NKIRAS1: variants seen among roughly 807,000 people sequenced by gnomAD.
NKIRAS1 encodes the protein NFKB inhibitor interacting Ras like 1.
In NKIRAS1, 16 loss-of-function variants were observed where a neutral mutation model predicts 19.8. That is an observed-to-expected ratio of 0.81 (90% CI 0.55 to 1.23). The LOEUF is 1.23. NKIRAS1 is among the 50% of genes most tolerant of loss of function. The pLI, the probability that NKIRAS1 is intolerant of heterozygous loss-of-function variation, is 0.00. For missense variants in NKIRAS1, 184 were observed against 220.0 expected, an observed-to-expected ratio of 0.84 and a Z score of 1.04; for synonymous variants, 88 against 79.0, an observed-to-expected ratio of 1.11 and a Z score of -0.61.
intron 1 of NKIRAS1, among the ~76,000 whole-genome samples, chr3:23,928,006 G>A (rs917755117): frequency 1.7e-4 from 26 of 151,982 alleles, no homozygotes; most frequent in African/African-American, 6.3e-4. Flanking sequence ...TTGAGCCTGG[G>A]AAGTCGAAGC....
chr3:23,935,138 G>A (rs1046257696), intron 1 of NKIRAS1, among the ~76,000 whole-genome samples: 4 of 151,824 alleles, frequency 2.6e-5, no homozygotes, highest in African/African-American at 9.7e-5. Context: ...CTCCTGCCTC[G>A]TGAGTTAGGT....
At chr3:23,911,760 G>A (rs35996568) in intron 1 of NKIRAS1, among the ~76,000 whole-genome samples, 2,351 of 148,096 alleles carry the variant, frequency 0.016, 23 homozygotes, top group Non-Finnish European at 0.025. Flanking sequence ...TGGTAGTCAC[G>A]TGGGCTTTTT....
chr3:23,920,240 C>T (rs1192537598), upstream of NKIRAS1: 1 of 985,614 alleles, frequency 1.0e-6, no homozygotes, highest in Non-Finnish European at 1.2e-6. Flanking sequence ...TAATTGTGAT[C>T]ATTATGAATC....
intron 1 of NKIRAS1, among the ~76,000 whole-genome samples, chr3:23,931,570 C>T (rs1370530519): frequency 2.0e-5 from 3 of 152,170 alleles, no homozygotes; most frequent in South Asian, 4.1e-4. Context: ...CTGACATGCT[C>T]TTGTGTTTTA....
intron 1 of NKIRAS1, chr3:23,946,243 C>G: frequency 1.0e-6 from 1 of 985,446 alleles, no homozygotes; most frequent in Non-Finnish European, 1.2e-6. Flanking sequence ...GCCGCACGCT[C>G]TTTTCGCGAG....
At chr3:23,893,850 TA>T (rs11381471) in intron 4 of NKIRAS1, among the ~76,000 whole-genome samples, 9,495 of 134,416 alleles carry the variant, frequency 0.071, 367 homozygotes, top group Admixed American at 0.14. Context: ...TTGCTAACTG[TA>T]AAAAAAAAAA....
At chr3:23,904,369 G>A (rs1170216870) in intron 3 of NKIRAS1, among the ~76,000 whole-genome samples, 1 of 152,136 alleles carries the variant, frequency 6.6e-6, no homozygotes, top group Non-Finnish European at 1.5e-5. Flanking sequence ...CTGCAAGATG[G>A]AGCCTTGTTG....
intron 1 of NKIRAS1, among the ~76,000 whole-genome samples, chr3:23,935,736 A>T (rs1705380358): frequency 6.6e-6 from 1 of 152,000 alleles, no homozygotes; most frequent in Non-Finnish European, 1.5e-5. Context: ...CAAGAAGTAA[A>T]TTTGTTTTCT....
In NKIRAS1 at chr3:23,893,176, A is replaced by C; in HGVS notation, c.498T>G (p.Ser166Arg). ...ATTTGCTCTGGGGTTGAGAAAGTTTACTGGCTAATAAAGTGAATGGTTCAA... is the reference window on the plus strand; with the variant it reads ...ATTTGCTCTGGGGTTGAGAAAGTTTCCTGGCTAATAAAGTGAATGGTTCAA... ...TLIEPFTLLA[S>R]KLSQPQSKSS... is the part of the protein sequence containing the mutation. The change falls in exon 5 of 5, where the codon AGT (serine) becomes AGG (arginine). Residue 166 changes from serine to arginine, a missense_variant. Ser to Arg is a moderately radical substitution (Grantham distance 110). Coordinates refer to ENST00000425478, the MANE Select transcript of NKIRAS1 (RefSeq NM_020345.4). The C allele has an allele frequency of 6.2e-7, 1 of 1,612,894 alleles. No homozygotes were observed. The highest frequency in any genetic ancestry group is 8.5e-7 in the Non-Finnish European group (1 of 1,179,596).
At chr3:23,946,409 A>C in exon 1 of NKIRAS1, 1 of 566,400 alleles carries the variant, frequency 1.8e-6, no homozygotes, top group Non-Finnish European at 2.2e-6. Context: ...GCTTTCCCGA[A>C]GGGATACGCT....
At chr3:23,934,080 C>G (rs186609266) in intron 1 of NKIRAS1, among the ~76,000 whole-genome samples, 128 of 152,306 alleles carry the variant, frequency 8.4e-4, no homozygotes, top group African/African-American at 2.9e-3. Flanking sequence ...GGAACACATT[C>G]AGACCATAGC....
chr3:23,912,400 C>G (rs1481569291), intron 1 of NKIRAS1, among the ~76,000 whole-genome samples: 1 of 152,130 alleles, frequency 6.6e-6, no homozygotes, highest in African/African-American at 2.4e-5. Context: ...AGACACTTCT[C>G]AAAAGAAGAC....
At chr3:23,937,242 G>A (rs1705411265) in intron 1 of NKIRAS1, among the ~76,000 whole-genome samples, 1 of 152,046 alleles carries the variant, frequency 6.6e-6, no homozygotes, top group Non-Finnish European at 1.5e-5. Context: ...TGCCGGGCGT[G>A]TGCCTGTAGT....
intron 1 of NKIRAS1, among the ~76,000 whole-genome samples, chr3:23,939,077 C>G (rs542462721): frequency 1.3e-5 from 2 of 152,304 alleles, no homozygotes; most frequent in East Asian, 3.9e-4. Flanking sequence ...CAAAATAATG[C>G]TGTTATCTTA....
chr3:23,908,056 A>T (rs1026596224), intron 3 of NKIRAS1, among the ~76,000 whole-genome samples: 5 of 152,236 alleles, frequency 3.3e-5, no homozygotes, highest in African/African-American at 1.2e-4. Context: ...GCTTTCAGGC[A>T]AAAATCAGAA....
intron 1 of NKIRAS1, among the ~76,000 whole-genome samples, chr3:23,940,934 A>G (rs183718326): frequency 7.9e-5 from 12 of 152,356 alleles, no homozygotes; most frequent in African/African-American, 2.9e-4. Context: ...CGCTGCTCTG[A>G]GACAAACATG....
intron 1 of NKIRAS1, among the ~76,000 whole-genome samples, chr3:23,940,190 A>G (rs1705468378): frequency 6.7e-6 from 1 of 149,912 alleles, no homozygotes; most frequent in African/African-American, 2.5e-5. Context: ...AAAAAAAAAA[A>G]AGAGAAATTA....
chr3:23,893,571 C>T (rs1701650320), intron 4 of NKIRAS1, among the ~76,000 whole-genome samples: 1 of 152,062 alleles, frequency 6.6e-6, no homozygotes, highest in Non-Finnish European at 1.5e-5. Context: ...CTTTGGGAGG[C>T]CGAGGCTCGT....
At chr3:23,923,333 G>A (rs1705148750) in intron 1 of NKIRAS1, 2 of 150,446 alleles carry the variant, frequency 1.3e-5, no homozygotes, top group African/African-American at 4.9e-5. Context: ...CGATTCTCCT[G>A]CCTCAGCCTC....
Sources: gnomAD v4.1 joint callset for allele counts (sites outside exome capture counted in the v4.1 genomes callset) on GRCh38, gnomAD v4.1.1 for gene constraint, MANE v1.5 for transcripts, NCBI Gene and HGNC (gene_info 2026-07-23, HGNC 2026-07-21) for gene names.